The following MUC15 variants were observed in gnomAD, a reference collection of about 807,000 sequenced individuals.
MUC15 encodes mucin 15, cell surface associated.
A neutral mutation model predicts 24.0 loss-of-function variants in MUC15; 23 were observed. The ratio of observed to expected loss-of-function variants is 0.96; its 90% confidence interval spans 0.69 to 1.36. The LOEUF is 1.36. Ranked by LOEUF, MUC15 falls within the 40% of genes most tolerant of loss-of-function variation. The pLI is 0.00. For missense variants in MUC15, 442 were observed against 428.2 expected, an observed-to-expected ratio of 1.03 and a Z score of -0.29; for synonymous variants, 151 against 156.3, an observed-to-expected ratio of 0.97 and a Z score of 0.25.
chr11:26,562,613 C>T (rs2134253448), intron 4 of MUC15, among the ~76,000 whole-genome samples: 1 of 151,930 alleles, frequency 6.6e-6, no homozygotes, highest in South Asian at 2.1e-4. Context: ...TACAATGTGA[C>T]TGTGTGTGCA....
chr11:26,563,283 T>A lies in MUC15; in HGVS notation c.776-18A>T, dbSNP rs1393682949. The stretch of plus-strand genomic sequence containing the variant: ...TCTATTTTCTACAGGACAAAAAAAA[T>A]TTAAAGAAATATAAAATAATTATTC... On this transcript the variant is annotated intron_variant, in intron 3 of 4. Transcript: ENST00000529533. 5 of 1,573,204 alleles carry A rather than the reference T, an allele frequency of 3.2e-6. No homozygotes were observed. Among genetic ancestry groups the A allele is most frequent in the Non-Finnish European group, 4.3e-6 (5 of 1,164,514 alleles).
rs1172122454 is a variant in MUC15, at chr11:26,559,471, TG to T, written c.*1593del. The T allele has an allele frequency of 4.3e-5, 16 of 367,972 alleles. No homozygotes were observed. The highest frequency in any genetic ancestry group is 7.4e-5 in the Non-Finnish European group (15 of 203,998). The allele number at this position is 367,972 out of a possible 1,614,324, so 22.8% of individuals were successfully genotyped here. A position where few individuals can be genotyped will look rare whatever the true frequency, so the allele number is the denominator to read the frequency against. On this transcript the variant is annotated 3_prime_UTR_variant, in exon 5 of 5. Coordinates refer to ENST00000529533, the MANE Select transcript of MUC15 (RefSeq NM_001135091.2). ...TAGAATTATTTATAATCAGAAATGA[TG>T]GTGGGGTATAAAGGGAATCAAGAGA... is the stretch of plus-strand genomic sequence containing the variant.
At chr11:26,566,671 A>G (rs1850598644) in intron 2 of MUC15, among the ~76,000 whole-genome samples, 1 of 151,866 alleles carries the variant, frequency 6.6e-6, no homozygotes. Context: ...AATAAGCTAG[A>G]TAATTGCAGA....
rs1166462594 is a variant in MUC15 at position 26,564,684 on chromosome 11, C to CATAT, written c.775+477_775+480dup. On this transcript the variant is annotated intron_variant, in intron 3 of 4. Transcript: ENST00000529533. ...TTTTAAAAACTCATATATATATACTCATATATATACACACACACACACACA... is the reference window on the plus strand; with the variant it reads ...TTTTAAAAACTCATATATATATACTCATATATATATATACACACACACACACACA... 8.9e-3 allele frequency among the ~76,000 whole-genome samples: 702 copies of CATAT among 79,006 alleles called. 27 individuals are homozygous for CATAT. Among genetic ancestry groups the CATAT allele is most frequent in the Non-Finnish European group, 0.013 (518 of 38,514 alleles). The allele number at this position is 79,006 out of a possible 152,430, so 51.8% of individuals were successfully genotyped here.
intron 1 of MUC15, among the ~76,000 whole-genome samples, chr11:26,570,764 G>A (rs1000110379): frequency 2.0e-5 from 3 of 152,076 alleles, no homozygotes; most frequent in Non-Finnish European, 4.4e-5. Flanking sequence ...TAACATCTCA[G>A]GAAGAACTTG....
chr11:26,560,356 T>C lies in MUC15; in HGVS notation c.*709A>G, dbSNP rs1319610802. 2 of 152,158 alleles carry C rather than the reference T, an allele frequency of 1.3e-5. No individual in the cohort carries two copies. The highest frequency in any genetic ancestry group is 2.9e-5 in the Non-Finnish European group (2 of 68,072). The allele number at this position is 152,158 out of a possible 1,614,324, so 9.4% of individuals were successfully genotyped here. A position where few individuals can be genotyped will look rare whatever the true frequency, so the allele number is the denominator to read the frequency against. ...GCACCCAAATAATTGAAGCCTAAGA[T>C]ATATTAAGACAAGTTAAAATTCCCA... On this transcript the variant is annotated 3_prime_UTR_variant, in exon 5 of 5. Coordinates refer to ENST00000529533, the MANE Select transcript of MUC15 (RefSeq NM_001135091.2).
rs188179026 is a variant in MUC15 at position 26,567,817 on chromosome 11, T to G, written c.-45-678A>C. On this transcript the variant is annotated intron_variant, in intron 1 of 4. Coordinates refer to ENST00000529533, the MANE Select transcript of MUC15 (RefSeq NM_001135091.2). Reference sequence around the variant, plus strand: ...GATAATAAACTGTGGTATATTCAGATAGTGAAAATTGACAGGCTAGAGCTG... The same window carrying G: ...GATAATAAACTGTGGTATATTCAGAGAGTGAAAATTGACAGGCTAGAGCTG... Among the ~76,000 whole-genome samples the G allele has an allele frequency of 1.3e-4, 20 of 152,094 alleles. 1 individual carries two copies. The highest frequency in any genetic ancestry group is 5.9e-4 in the Admixed American group (9 of 15,238).
chr11:26,560,910 C>A lies in MUC15; in HGVS notation c.*155G>T. The A allele has an allele frequency of 2.9e-6, 2 of 681,644 alleles. No individual in the cohort carries two copies. Among genetic ancestry groups the A allele is most frequent in the South Asian group, 4.6e-5 (2 of 43,792 alleles). 42.2% of individuals were successfully genotyped at this position (681,644 alleles called of 1,614,324 possible). ...GAAAGAAAACCTTTGGATGATACATCCTGTCTACATTTCTGCTACTGGTCT... is the reference window on the plus strand; with the variant it reads ...GAAAGAAAACCTTTGGATGATACATACTGTCTACATTTCTGCTACTGGTCT... On this transcript the variant is annotated 3_prime_UTR_variant, in exon 5 of 5. Coordinates refer to ENST00000529533, the MANE Select transcript of MUC15 (RefSeq NM_001135091.2).
At chr11:26,570,357 A>G (rs1374365169) in intron 1 of MUC15, among the ~76,000 whole-genome samples, 2 of 152,152 alleles carry the variant, frequency 1.3e-5, no homozygotes, top group African/African-American at 4.8e-5. Flanking sequence ...GCAAACCCAC[A>G]TTCACTGTCC....
rs894898924 is a variant in MUC15 at position 26,565,340 on chromosome 11, T to G, written c.600A>C (p.Ser200=). ...NSSITVSILS[S]EPTSPSVTPL... is the part of the protein sequence containing the mutation. ...GGGTCACAGATGGAGAAGTTGGTTCTGAAGAGAGGATGCTAACTGTAATGG... is the reference window on the plus strand; with the variant it reads ...GGGTCACAGATGGAGAAGTTGGTTCGGAAGAGAGGATGCTAACTGTAATGG... Residue 200 remains serine (S), a synonymous_variant, in exon 3 of 5, where the codon TCA becomes TCC. Transcript: ENST00000529533. The G allele has an allele frequency of 1.2e-6, 2 of 1,612,136 alleles. No homozygotes were observed. Among genetic ancestry groups the G allele is most frequent in the African/African-American group, 1.3e-5 (1 of 74,798 alleles).
intron 3 of MUC15, 113 bp downstream of exon 3, chr11:26,565,052 C>G: frequency 2.9e-6 from 3 of 1,047,314 alleles, no homozygotes; most frequent in Non-Finnish European, 4.0e-6. Context: ...AAAATCCATG[C>G]TATTGTGTTC....
chr11:26,564,781 ATAT>A, intron 3 of MUC15, among the ~76,000 whole-genome samples: 1 of 94,508 alleles, frequency 1.1e-5, no homozygotes, highest in African/African-American at 3.7e-5. Flanking sequence ...ATATATATAT[ATAT>A]AAGTTCAGTT....
rs1850258048 is a variant in MUC15 at position 26,560,814 on chromosome 11, A to G, written c.*251T>C. On this transcript the variant is annotated 3_prime_UTR_variant, in exon 5 of 5. Transcript: ENST00000529533. The stretch of plus-strand genomic sequence containing the variant: ...TTATCTGATTCCACAAATATTTTCT[A>G]CTAAGAAAATACTACTAAAATACAA... 2 of 345,258 alleles carry G rather than the reference A, an allele frequency of 5.8e-6. No individual in the cohort carries two copies. The highest frequency in any genetic ancestry group is 5.2e-6 in the Non-Finnish European group (1 of 192,294). The allele number at this position is 345,258 out of a possible 1,614,324, so 21.4% of individuals were successfully genotyped here.
At position 26,563,154 on chromosome 11, in the gene MUC15, AATG is replaced by A; in HGVS notation, c.884_886del (p.Ser295del). On this transcript the variant is annotated inframe_deletion, in exon 4 of 5. Transcript: ENST00000529533. ...GTCGTCATAAAGTCGCCGATGGGAA[AATG>A]AATCCGTTTTCCTTTTTCCACACAA... is the stretch of plus-strand genomic sequence containing the variant. The A allele has an allele frequency of 1.2e-6, 2 of 1,612,424 alleles. No individual in the cohort carries two copies. Among genetic ancestry groups the A allele is most frequent in the East Asian group, 4.5e-5 (2 of 44,820 alleles).
chr11:26,565,724 T>A lies in MUC15; in HGVS notation c.216A>T (p.Lys72Asn). The A allele has an allele frequency of 6.2e-7, 1 of 1,605,980 alleles. No homozygotes were observed. Among genetic ancestry groups the A allele is most frequent in the Non-Finnish European group, 8.5e-7 (1 of 1,174,122 alleles). Reference sequence around the variant, plus strand: ...TTGCTTCACTTTCCAAAGAAATAGGTTTATTTTCCATTGTTTTAAAAACTT... The same window carrying A: ...TTGCTTCACTTTCCAAAGAAATAGGATTATTTTCCATTGTTTTAAAAACTT... ...IAEVFKTMEN[K>N]PISLESEANL... is the part of the protein sequence containing the mutation. The change falls in exon 3 of 5, where the codon AAA becomes AAT. Residue 72 changes from lysine (K) to asparagine (N), a missense_variant. Lys to Asn is a moderately conservative substitution (Grantham distance 94). Transcript: ENST00000529533.
intron 1 of MUC15, 133 bp from the exon 2 acceptor site, chr11:26,567,272 T>A: frequency 2.0e-6 from 1 of 493,434 alleles, no homozygotes. Flanking sequence ...AGCAATAAAA[T>A]CTGAGTACTG....
chr11:26,562,655 G>A (rs1357771552), intron 4 of MUC15, among the ~76,000 whole-genome samples: 1 of 151,720 alleles, frequency 6.6e-6, no homozygotes, highest in Admixed American at 6.6e-5. Flanking sequence ...TTGTTTTAGA[G>A]CCTCATTAAG....
At chr11:26,561,336 T>C in intron 4 of MUC15, 111 bp from the exon 5 acceptor site, 1 of 742,532 alleles carries the variant, frequency 1.3e-6, no homozygotes, top group Non-Finnish European at 2.0e-6. Flanking sequence ...AATATATTTT[T>C]ATATGGGCTT....
rs1244911347 is a variant in MUC15, at chr11:26,565,164, C to T, written c.775+1G>A. The stretch of plus-strand genomic sequence containing the variant: ...GGAAAGTTAAAATCATTTATATTTA[C>T]CTTTTTGGGGATCTGACGTATTTGG... On this transcript the variant is annotated splice_donor_variant, in intron 3 of 4. Transcript: ENST00000529533. LOFTEE classifies it high-confidence loss of function. 5.3e-6 allele frequency: 8 copies of T among 1,499,268 alleles called. No homozygotes were observed. Among genetic ancestry groups the T allele is most frequent in the Non-Finnish European group, 6.2e-6 (7 of 1,124,258 alleles). 92.9% of individuals were successfully genotyped at this position (1,499,268 alleles called of 1,614,324 possible).
Sources: allele counts gnomAD v4.1 joint callset (sites outside exome capture counted in the v4.1 genomes callset), GRCh38; gene constraint gnomAD v4.1.1; transcripts MANE v1.5; gene names NCBI Gene and HGNC (gene_info 2026-07-23, HGNC 2026-07-21).